The following BCAP29 variants were observed in gnomAD, a reference collection of about 807,000 sequenced individuals.
BCAP29 encodes the protein B-cell receptor-associated protein 29.
BCAP29 carries 34 observed loss-of-function variants against 31.8 expected under a neutral mutation model. That is an observed-to-expected ratio of 1.07 (90% CI 0.81 to 1.42). The LOEUF (loss-of-function observed/expected upper bound fraction) is 1.42, where lower values mean the gene tolerates loss of function less well. BCAP29 is among the 40% of genes most tolerant of loss of function. The probability of loss-of-function intolerance (pLI) is 0.00; values close to 1 mark genes in which losing one functional copy is unlikely to be tolerated. For missense variants in BCAP29, 314 were observed against 269.2 expected, an observed-to-expected ratio of 1.17 and a Z score of -1.16; for synonymous variants, 104 against 91.3, an observed-to-expected ratio of 1.14 and a Z score of -0.79.
intron 3 of BCAP29, among the ~76,000 whole-genome samples, chr7:107,585,196 G>A (rs189063456): frequency 8.3e-4 from 127 of 152,262 alleles, no homozygotes; most frequent in African/African-American, 2.9e-3. Context: ...TTAGAGAGGC[G>A]AACTTGGGAC....
At chr7:107,580,687 G>A (rs1806459548) in intron 1 of BCAP29, 72 bp from the exon 2 acceptor site, 10 of 1,035,190 alleles carry the variant, frequency 9.7e-6, no homozygotes, top group Non-Finnish European at 1.4e-5. Flanking sequence ...GGACAAAAAC[G>A]CTGCGCCTCG....
At chr7:107,604,682 G>GT (rs754950005) in intron 6 of BCAP29, among the ~76,000 whole-genome samples, 4 of 142,344 alleles carry the variant, frequency 2.8e-5, no homozygotes, top group Non-Finnish European at 3.0e-5. Context: ...TGTTGTTGTT[G>GT]TTGTTTTTTT....
At chr7:107,612,430 TA>T (rs1554480135) in intron 6 of BCAP29, among the ~76,000 whole-genome samples, 551 of 52,094 alleles carry the variant, frequency 0.011, 34 homozygotes, top group African/African-American at 0.016. Flanking sequence ...TATATATATA[TA>T]TATATATATT....
At chr7:107,615,302 T>C (rs1813908394) in intron 7 of BCAP29, 1 of 456,560 alleles carries the variant, frequency 2.2e-6, no homozygotes, top group East Asian at 6.9e-5. Context: ...TAGAAAGCTT[T>C]TAAGAGTGAT....
At chr7:107,580,648 G>C (rs979508926) in intron 1 of BCAP29, 111 bp from the exon 2 acceptor site, 56 of 702,324 alleles carry the variant, frequency 8.0e-5, no homozygotes, top group African/African-American at 7.7e-5. Context: ...CTTCCCAGGT[G>C]GGGGAAGGTG....
chr7:107,614,383 TA>T (rs1473929674), intron 7 of BCAP29, among the ~76,000 whole-genome samples: 1 of 152,194 alleles, frequency 6.6e-6, no homozygotes, highest in African/African-American at 2.4e-5. Context: ...TTAGGCAGGT[TA>T]TAGCATCCCT....
chr7:107,594,294 T>G (rs1192296199), intron 4 of BCAP29, 189 bp downstream of exon 4: 2 of 559,714 alleles, frequency 3.6e-6, no homozygotes, highest in Non-Finnish European at 6.3e-6. Flanking sequence ...GTTCAAGTGA[T>G]CCTGCCTCTT....
chr7:107,588,850 A>C (rs1054683968), intron 3 of BCAP29, among the ~76,000 whole-genome samples: 7 of 152,330 alleles, frequency 4.6e-5, no homozygotes, highest in African/African-American at 1.7e-4. Context: ...TCAACCATGG[A>C]TGTGTAGGAA....
intron 3 of BCAP29, among the ~76,000 whole-genome samples, chr7:107,591,897 T>C (rs1000219322): frequency 3.3e-5 from 5 of 152,192 alleles, no homozygotes; most frequent in African/African-American, 1.2e-4. Context: ...GAGAAAGAAA[T>C]TGGACTACAC....
chr7:107,585,805 A>T (rs1009265985), intron 3 of BCAP29, among the ~76,000 whole-genome samples: 2 of 152,180 alleles, frequency 1.3e-5, no homozygotes, highest in Admixed American at 6.6e-5. Flanking sequence ...AGCTTGGCCA[A>T]CGTGGTGAAA....
intron 1 of BCAP29, 89 bp from the exon 2 acceptor site, chr7:107,580,670 A>C (rs1444063116): frequency 2.4e-6 from 2 of 847,320 alleles, no homozygotes; most frequent in Non-Finnish European, 3.8e-6. Context: ...AACACTGTCC[A>C]TCCCCTGGAC....
intron 6 of BCAP29, 89 bp from the exon 7 acceptor site, chr7:107,613,243 A>C (rs964004779): frequency 9.3e-6 from 8 of 861,480 alleles, no homozygotes; most frequent in African/African-American, 6.8e-5. Context: ...AGTAAAGACT[A>C]TACAGGAGTT....
At chr7:107,613,705 A>G in intron 7 of BCAP29, 1 of 1,612,690 alleles carries the variant, frequency 6.2e-7, no homozygotes. Context: ...AAATGGCAGC[A>G]TTGGAAAACA....
In BCAP29 at chr7:107,583,882, A is replaced by G. The variant is rs1413024734; in HGVS notation, c.93A>G (p.Arg31=). 8.5e-6 allele frequency: 13 copies of G among 1,533,080 alleles called. No homozygotes were observed. The African/African-American group carries it at 1.4e-4, about 16-fold the overall frequency. The allele number at this position is 1,533,080 out of a possible 1,614,324, so 95.0% of individuals were successfully genotyped here. A position where few individuals can be genotyped will look rare whatever the true frequency, so the allele number is the denominator to read the frequency against. Reference sequence around the variant, plus strand: ...CTAATATAATTGTATTGCTTTACAGATGGCAGAAGATTTTTTCATTTAATG... The same window carrying G: ...CTAATATAATTGTATTGCTTTACAGGTGGCAGAAGATTTTTTCATTTAATG... ...IFCLPFIPPQ[R]WQKIFSFNVW... The change falls in exon 3 of 8, where the codon AGA becomes AGG. Residue 31 remains arginine, a splice_region_variant and synonymous_variant. Transcript: ENST00000005259.
chr7:107,580,723 A>G (rs749621476), intron 1 of BCAP29, 36 bp from the exon 2 acceptor site: 1 of 1,475,086 alleles, frequency 6.8e-7, no homozygotes, highest in South Asian at 1.2e-5. Flanking sequence ...TTTTGTTTGA[A>G]AGGAAGCAAG....
Position 107,595,853 on chromosome 7 carries a change from GT to G in BCAP29, c.345-6del, listed in dbSNP as rs1327263699. On this transcript the variant is annotated splice_polypyrimidine_tract_variant and intron_variant, in intron 4 of 7. Transcript: ENST00000005259. Reference sequence around the variant, plus strand: ...GATTGGCCAGTAATACATTATTCTGGTTTTTTTTCTTAGAGTTTTGAGACGT... The same window carrying G: ...GATTGGCCAGTAATACATTATTCTGGTTTTTTTCTTAGAGTTTTGAGACGT... 7 of 1,589,142 alleles carry G rather than the reference GT, an allele frequency of 4.4e-6. No individual in the cohort carries two copies. The highest frequency in any genetic ancestry group is 4.5e-5 in the East Asian group (2 of 44,020).
intron 6 of BCAP29, among the ~76,000 whole-genome samples, chr7:107,606,726 T>A (rs563148454): frequency 5.3e-5 from 8 of 152,312 alleles, no homozygotes; most frequent in African/African-American, 1.9e-4. Context: ...GAACTATTGA[T>A]ATGGAATAAT....
intron 6 of BCAP29, among the ~76,000 whole-genome samples, chr7:107,604,329 A>G (rs953043256): frequency 1.2e-4 from 18 of 152,290 alleles, no homozygotes; most frequent in Non-Finnish European, 2.6e-4. Context: ...AAAATAGCTG[A>G]AGTGTTTTTC....
chr7:107,612,394 TATATATATATATATATATATA>T (rs1813303821), intron 6 of BCAP29, among the ~76,000 whole-genome samples: 2 of 9,302 alleles, frequency 2.2e-4, no homozygotes, highest in South Asian at 9.3e-3. Flanking sequence ...TATTGTTTTA[TATATATATATATATATATATA>T]TATATATATA....
Sources: gnomAD v4.1 joint callset for allele counts (sites outside exome capture counted in the v4.1 genomes callset) on GRCh38, gnomAD v4.1.1 for gene constraint, MANE v1.5 for transcripts, NCBI Gene and HGNC (gene_info 2026-07-23, HGNC 2026-07-21) for gene names.